The following C19orf47 variants were observed in gnomAD, a reference collection of about 807,000 sequenced individuals.
C19orf47 encodes the protein uncharacterized protein C19orf47.
C19orf47 carries 18 observed loss-of-function variants against 32.3 expected under a neutral mutation model. The observed-to-expected ratio is 0.56, with a 90% confidence interval of 0.39 to 0.83. C19orf47 has a LOEUF of 0.83. Among genes scored for constraint, C19orf47 ranks in the 40% least tolerant of loss-of-function variants. The probability of loss-of-function intolerance (pLI) is 0.00; values close to 1 mark genes in which losing one functional copy is unlikely to be tolerated. For synonymous variants in C19orf47, 202 were observed against 211.1 expected (o/e 0.96, Z 0.37); for missense variants, 484 against 531.6 (o/e 0.91, Z 0.88).
At chr19:40,326,211 G>C in intron 7 of C19orf47, 123 bp downstream of exon 7, 4 of 1,359,328 alleles carry the variant, frequency 2.9e-6, no homozygotes, top group Non-Finnish European at 4.0e-6. Flanking sequence ...CTTGGCCTAC[G>C]GCTCCTGCAT....
At chr19:40,313,915 A>AG in the C19orf47 span, among the ~76,000 whole-genome samples, 1 of 150,868 alleles carries the variant, frequency 6.6e-6, no homozygotes. Flanking sequence ...TGGGCAACAG[A>AG]GGGAGACTCT....
intron 7 of C19orf47, 26 bp downstream of exon 7, chr19:40,326,308 G>A (rs1187016810): frequency 1.9e-6 from 3 of 1,613,400 alleles, no homozygotes; most frequent in Non-Finnish European, 8.5e-7. Context: ...ACCCCGCAGG[G>A]AAGCATGCCC....
At chr19:40,337,702 G>A (rs2078093062) in intron 2 of C19orf47, among the ~76,000 whole-genome samples, 1 of 152,156 alleles carries the variant, frequency 6.6e-6, no homozygotes, top group South Asian at 2.1e-4. Flanking sequence ...GGTGTTACAC[G>A]AGTGGCAGTG....
rs1156231707 is a variant in C19orf47 at position 40,336,034 on chromosome 19, C to T, written c.222+76G>A. ...GGGTCGGCCTGCCTCTGCTGCCAGGCCTCCCATTGGCTCTGCAACTGACCC... is the reference window on the plus strand; with the variant it reads ...GGGTCGGCCTGCCTCTGCTGCCAGGTCTCCCATTGGCTCTGCAACTGACCC... On this transcript the variant is annotated intron_variant, in intron 4 of 8. Transcript: ENST00000683109. 7 of 1,349,886 alleles carry T rather than the reference C, an allele frequency of 5.2e-6. No individual in the cohort carries two copies. In the Admixed American group the frequency reaches 5.6e-5, roughly 11 times the overall value. 83.6% of individuals were successfully genotyped at this position (1,349,886 alleles called of 1,614,324 possible).
intron 1 of C19orf47, 94 bp from the exon 2 acceptor site, chr19:40,341,984 G>A: frequency 2.0e-6 from 3 of 1,528,640 alleles, no homozygotes; most frequent in East Asian, 2.5e-5. Flanking sequence ...CCAGAGGAAT[G>A]TTCCTGGGCT....
At chr19:40,325,086 A>G (rs2077801170) in intron 7 of C19orf47, among the ~76,000 whole-genome samples, 1 of 151,980 alleles carries the variant, frequency 6.6e-6, no homozygotes, top group East Asian at 1.9e-4. Flanking sequence ...CCTGGCCAAC[A>G]TGATGAAACC....
chr19:40,295,262 C>T, the C19orf47 span, among the ~76,000 whole-genome samples: 6 of 152,034 alleles, frequency 3.9e-5, no homozygotes, highest in East Asian at 3.9e-4. Flanking sequence ...CCTCGTGATC[C>T]GCCTGCCTCA....
Position 40,322,026 on chromosome 19 carries a change from AC to A in C19orf47, c.1013del (p.Ser338IlefsTer37). On this transcript the variant is annotated frameshift_variant, in exon 9 of 9. Transcript: ENST00000683109. LOFTEE classifies it high-confidence loss of function. ...TGACCTTGACCTCGGCTGAGGACTT[AC>A]TCTTGGTGCTGGTGACCTGGCTGTC... ...AQDSQVTSTK[S>X]KSSAEVKVTI... is the part of the protein sequence containing the mutation. The A allele has an allele frequency of 6.2e-7, 1 of 1,613,994 alleles. No homozygotes were observed. The highest frequency in any genetic ancestry group is 8.5e-7 in the Non-Finnish European group (1 of 1,179,976).
chr19:40,305,257 C>T, the C19orf47 span, among the ~76,000 whole-genome samples: 4 of 151,720 alleles, frequency 2.6e-5, no homozygotes, highest in South Asian at 2.1e-4. Context: ...GGAGGAGAAT[C>T]GCTTGAACCT....
rs189359980 is a variant in C19orf47 at position 40,346,292 on chromosome 19, A to G, written c.-34+2032T>C. ...AACCCCTCTCTACTAAAAATACAAA[A>G]ATTAGCCAGGCGTGGTGGTGGGCAC... On this transcript the variant is annotated intron_variant, in intron 1 of 8. Coordinates refer to ENST00000683109, the MANE Select transcript of C19orf47 (RefSeq NM_001256441.2). 7.6e-3 allele frequency among the ~76,000 whole-genome samples: 1,129 copies of G among 148,514 alleles called. 15 individuals are homozygous for G. The highest frequency in any genetic ancestry group is 0.027 in the African/African-American group (1,082 of 40,244).
intron 1 of C19orf47, 108 bp from the exon 2 acceptor site, chr19:40,341,998 G>T: frequency 6.6e-7 from 1 of 1,517,280 alleles, no homozygotes; most frequent in Non-Finnish European, 8.8e-7. Flanking sequence ...CTGGGCTAGG[G>T]GCTCACCGCC....
At chr19:40,306,840 G>A in the C19orf47 span, among the ~76,000 whole-genome samples, 1 of 145,788 alleles carries the variant, frequency 6.9e-6, no homozygotes, top group Non-Finnish European at 1.5e-5. Flanking sequence ...CCAGGCTGGA[G>A]TGCAGTGGTG....
At chr19:40,308,525 G>A in the C19orf47 span, among the ~76,000 whole-genome samples, 64 of 138,038 alleles carry the variant, frequency 4.6e-4, no homozygotes, top group African/African-American at 1.6e-3. Context: ...GTGCAGTGGC[G>A]CAATCTTGGC....
intron 1 of C19orf47, chr19:40,343,475 C>G (rs1377190270): frequency 6.6e-6 from 1 of 152,166 alleles, no homozygotes; most frequent in African/African-American, 2.4e-5. Flanking sequence ...CATGACTTAC[C>G]TTAGAGGACT....
At chr19:40,329,763 T>G (rs745454712) in intron 5 of C19orf47, among the ~76,000 whole-genome samples, 1 of 152,182 alleles carries the variant, frequency 6.6e-6, no homozygotes, top group African/African-American at 2.4e-5. Context: ...GGTGGCTTTA[T>G]GTCTAATGGC....
chr19:40,313,150 A>G, the C19orf47 span, among the ~76,000 whole-genome samples: 7 of 152,182 alleles, frequency 4.6e-5, no homozygotes, highest in Admixed American at 1.3e-4. Context: ...TTCCATCAGC[A>G]AAGTATATCC....
At chr19:40,348,463 C>T (rs2078381214), upstream of C19orf47, 1 of 1,500,662 alleles carries the variant, frequency 6.7e-7, no homozygotes, top group African/African-American at 1.4e-5. Context: ...GACTCGTCCG[C>T]GGCCGCTCTA....
chr19:40,321,248 G>A lies in C19orf47; in HGVS notation c.*634C>T. ...AGGTCCCTCCAGCCTGGGAGTAGAGGGCGGCTAACAGTCTCAACAGGCTCG... is the reference window on the plus strand; with the variant it reads ...AGGTCCCTCCAGCCTGGGAGTAGAGAGCGGCTAACAGTCTCAACAGGCTCG... On this transcript the variant is annotated 3_prime_UTR_variant, in exon 9 of 9. Coordinates refer to ENST00000683109, the MANE Select transcript of C19orf47 (RefSeq NM_001256441.2). 5.1e-6 allele frequency: 5 copies of A among 986,992 alleles called. No individual in the cohort carries two copies. The highest frequency in any genetic ancestry group is 6.0e-6 in the Non-Finnish European group (5 of 830,136). The allele number at this position is 986,992 out of a possible 1,614,324, so 61.1% of individuals were successfully genotyped here. A position where few individuals can be genotyped will look rare whatever the true frequency, so the allele number is the denominator to read the frequency against.
chr19:40,298,233 G>A, the C19orf47 span, among the ~76,000 whole-genome samples: 3 of 151,602 alleles, frequency 2.0e-5, no homozygotes, highest in South Asian at 2.1e-4. Flanking sequence ...CCCAGGAGGC[G>A]GAGGTTGCAG....
Sources: gnomAD v4.1 joint callset for allele counts (sites outside exome capture counted in the v4.1 genomes callset) on GRCh38, gnomAD v4.1.1 for gene constraint, MANE v1.5 for transcripts, NCBI Gene and HGNC (gene_info 2026-07-23, HGNC 2026-07-21) for gene names.